The following TNRC6B variants were observed in gnomAD, a reference collection of about 807,000 sequenced individuals.
The protein encoded by TNRC6B is trinucleotide repeat-containing gene 6B protein.
Under a neutral mutation model 203.6 loss-of-function variants are expected in TNRC6B, and 52 were observed. The observed-to-expected ratio is 0.26, with a 90% confidence interval of 0.20 to 0.32. The LOEUF is 0.32. Among genes scored for constraint, TNRC6B ranks in the 10% least tolerant of loss-of-function variants. TNRC6B has a pLI of 1.00. For synonymous variants in TNRC6B, 838 were observed against 845.7 expected, an observed-to-expected ratio of 0.99 and a Z score of 0.16; for missense variants, 1,923 against 2,286.2, an observed-to-expected ratio of 0.84 and a Z score of 3.24.
At chr22:40,141,181 G>C (rs2068641347) in intron 3 of TNRC6B, among the ~76,000 whole-genome samples, 1 of 147,632 alleles carries the variant, frequency 6.8e-6, no homozygotes, top group East Asian at 2.0e-4. Flanking sequence ...TTCTTTCCAT[G>C]GGTGGTGAAC....
chr22:40,273,387 T>C, intron 6 of TNRC6B, 38 bp from the exon 7 acceptor site: 1 of 1,523,576 alleles, frequency 6.6e-7, no homozygotes, highest in Non-Finnish European at 8.8e-7. Flanking sequence ...TTGTTTTATA[T>C]AGCTGTTGCA....
chr22:40,177,937 G>GGAGAGAGAGAGCAA lies in TNRC6B; in HGVS notation c.-195_-182dup. On this transcript the variant is annotated 5_prime_UTR_variant, in exon 1 of 23. Transcript: ENST00000454349. ...AGCTGCTTCCTTTAGAGACAGAGAGGGAGAGAGAGAGCAAGAGGGAGAGTG... is the reference window on the plus strand; with the variant it reads ...AGCTGCTTCCTTTAGAGACAGAGAGGGAGAGAGAGAGCAAGAGAGAGAGAGCAAGAGGGAGAGTG... The GGAGAGAGAGAGCAA allele has an allele frequency of 7.2e-7, 1 of 1,382,850 alleles. No homozygotes were observed. The allele number at this position is 1,382,850 out of a possible 1,614,324, so 85.7% of individuals were successfully genotyped here.
intron 3 of TNRC6B, among the ~76,000 whole-genome samples, chr22:40,141,136 T>A (rs2068640804): frequency 6.6e-6 from 1 of 151,680 alleles, no homozygotes; most frequent in Non-Finnish European, 1.5e-5. Flanking sequence ...CTTTTTTTTT[T>A]AATTAACGAA....
chr22:40,280,690 G>A (rs2070711223), intron 10 of TNRC6B, among the ~76,000 whole-genome samples: 1 of 152,206 alleles, frequency 6.6e-6, no homozygotes, highest in Admixed American at 6.5e-5. Flanking sequence ...CCAATTTGCT[G>A]TGTTCCTGAT....
chr22:40,198,122 G>A (rs1037638780), intron 1 of TNRC6B, among the ~76,000 whole-genome samples: 3 of 152,058 alleles, frequency 2.0e-5, no homozygotes, highest in Non-Finnish European at 4.4e-5. Context: ...GAAGTCATTT[G>A]TAATTAGACA....
At chr22:40,109,855 ATATT>A (rs2068317786) in intron 1 of TNRC6B, among the ~76,000 whole-genome samples, 2 of 152,226 alleles carry the variant, frequency 1.3e-5, no homozygotes, top group South Asian at 4.1e-4. Context: ...TTTTCTCCTT[ATATT>A]TAGTGTAAGG....
At chr22:40,091,832 A>C (rs1425494332) in intron 1 of TNRC6B, among the ~76,000 whole-genome samples, 1 of 152,164 alleles carries the variant, frequency 6.6e-6, no homozygotes, top group East Asian at 1.9e-4. Flanking sequence ...TTAAAAAAAA[A>C]CTTTCCTTGA....
chr22:40,059,905 C>G (rs1471266617), intron 1 of TNRC6B, among the ~76,000 whole-genome samples: 1 of 150,472 alleles, frequency 6.6e-6, no homozygotes, highest in Non-Finnish European at 1.5e-5. Context: ...TCACTGCAAC[C>G]TCCGCCTCCC....
upstream of TNRC6B, among the ~76,000 whole-genome samples, chr22:40,174,863 C>T (rs1378837274): frequency 1.3e-5 from 2 of 151,606 alleles, no homozygotes; most frequent in Non-Finnish European, 2.9e-5. Context: ...GTGTCCTTAC[C>T]TTACAATAAT....
chr22:40,168,973 G>A (rs971952938), intron 4 of TNRC6B, among the ~76,000 whole-genome samples: 2 of 151,912 alleles, frequency 1.3e-5, no homozygotes, highest in African/African-American at 2.4e-5. Context: ...TTTAATTATG[G>A]ATTTACATGC....
chr22:40,067,450 G>A (rs1190023535), intron 1 of TNRC6B, among the ~76,000 whole-genome samples: 1 of 152,108 alleles, frequency 6.6e-6, no homozygotes, highest in African/African-American at 2.4e-5. Flanking sequence ...ATACATGAGA[G>A]AGGATTTAGT....
chr22:40,190,998 AACAG>A, intron 1 of TNRC6B, among the ~76,000 whole-genome samples: 1 of 152,366 alleles, frequency 6.6e-6, no homozygotes, highest in East Asian at 1.9e-4. Flanking sequence ...CAGTAATGCA[AACAG>A]ACAGACACAC....
chr22:40,274,378 G>A (rs942375727), intron 7 of TNRC6B, among the ~76,000 whole-genome samples: 1 of 151,550 alleles, frequency 6.6e-6, no homozygotes, highest in African/African-American at 2.4e-5. Context: ...TGAAATACCA[G>A]TGAGTACTTG....
chr22:40,061,208 T>C (rs549644023), intron 1 of TNRC6B, among the ~76,000 whole-genome samples: 20 of 152,234 alleles, frequency 1.3e-4, no homozygotes, highest in Admixed American at 6.5e-4. Flanking sequence ...ATGTCCGCTG[T>C]TGTTGGATTT....
chr22:40,069,246 T>G (rs1045642257), intron 1 of TNRC6B, among the ~76,000 whole-genome samples: 10 of 151,578 alleles, frequency 6.6e-5, no homozygotes, highest in African/African-American at 2.4e-4. Context: ...GGATCACAGG[T>G]GCACACTACC....
intron 16 of TNRC6B, 47 bp downstream of exon 16, chr22:40,308,696 T>G: frequency 1.3e-6 from 2 of 1,559,974 alleles, no homozygotes; most frequent in Non-Finnish European, 8.6e-7. Flanking sequence ...CAGCAGGTCT[T>G]GATGAAACAT....
At chr22:40,128,167 C>T in intron 3 of TNRC6B, among the ~76,000 whole-genome samples, 1 of 152,156 alleles carries the variant, frequency 6.6e-6, no homozygotes, top group East Asian at 1.9e-4. Context: ...TCAACTTCAT[C>T]AGCCTTAGTT....
rs2071404511 is a variant in TNRC6B at position 40,326,537 on chromosome 22, ATGC to A, written c.*3297_*3299del. On this transcript the variant is annotated 3_prime_UTR_variant, in exon 23 of 23. Transcript: ENST00000454349. Reference sequence around the variant, plus strand: ...GAGTGTTTGGTGTATATAGATGAGAATGCCATCACTTTGTTCCTTTCCATTTGA... The same window carrying A: ...GAGTGTTTGGTGTATATAGATGAGAACATCACTTTGTTCCTTTCCATTTGA... 1 of 152,578 alleles carries A rather than the reference ATGC, an allele frequency of 6.6e-6. No individual in the cohort carries two copies. Among genetic ancestry groups the A allele is most frequent in the Non-Finnish European group, 1.5e-5 (1 of 68,028 alleles). The allele number at this position is 152,578 out of a possible 1,614,324, so 9.5% of individuals were successfully genotyped here. A position where few individuals can be genotyped will look rare whatever the true frequency, so the allele number is the denominator to read the frequency against.
intron 15 of TNRC6B, among the ~76,000 whole-genome samples, chr22:40,306,449 T>C (rs1252168680): frequency 6.6e-6 from 1 of 152,210 alleles, no homozygotes; most frequent in Non-Finnish European, 1.5e-5. Flanking sequence ...CTAGGTTATT[T>C]CCAAAAACTC....
Sources: allele counts gnomAD v4.1 joint callset (sites outside exome capture counted in the v4.1 genomes callset), GRCh38; gene constraint gnomAD v4.1.1; transcripts MANE v1.5; gene names NCBI Gene and HGNC (gene_info 2026-07-23, HGNC 2026-07-21).